DMD: variants seen among roughly 807,000 people sequenced by gnomAD.
DMD encodes mutant dystrophin.
Under a neutral mutation model 330.1 loss-of-function variants are expected in DMD, and 63 were observed. That is an observed-to-expected ratio of 0.19 (90% CI 0.16 to 0.24). DMD has a LOEUF of 0.24. Among genes scored for constraint, DMD ranks in the 10% least tolerant of loss-of-function variants. DMD has a pLI of 1.00. For synonymous variants in DMD, 1,223 were observed against 959.8 expected, an observed-to-expected ratio of 1.27 and a Z score of -5.07; for missense variants, 3,344 against 2,684.1, an observed-to-expected ratio of 1.25 and a Z score of -5.43.
At chrX:32,526,870 G>C (rs1376493983) in intron 17 of DMD, among the ~76,000 whole-genome samples, 1 of 111,897 alleles carries the variant, frequency 8.9e-6, no homozygotes, top group Non-Finnish European at 1.9e-5. Flanking sequence ...TTTCTTTACA[G>C]TGACTGCCAC....
intron 55 of DMD, among the ~76,000 whole-genome samples, chrX:31,542,127 G>A (rs2073864096): frequency 2.7e-5 from 3 of 111,581 alleles, no homozygotes; most frequent in Non-Finnish European, 5.6e-5. Context: ...AGGATTTTAC[G>A]GAATGGTGGT....
chrX:33,307,926 C>G (rs929445037), intron 1 of DMD, among the ~76,000 whole-genome samples: 2 of 111,745 alleles, frequency 1.8e-5, no homozygotes, highest in African/African-American at 6.5e-5. Flanking sequence ...TCTGTACAGA[C>G]ACCAGTTTTT....
chrX:31,234,065 C>T (rs1258864834), intron 63 of DMD, among the ~76,000 whole-genome samples: 1 of 112,078 alleles, frequency 8.9e-6, no homozygotes, highest in Non-Finnish European at 1.9e-5. Flanking sequence ...TCAGCTGCAA[C>T]GGAGGCTCTG....
At chrX:32,588,308 A>G (rs1158316022) in intron 13 of DMD, among the ~76,000 whole-genome samples, 1 of 112,242 alleles carries the variant, frequency 8.9e-6, no homozygotes, top group Admixed American at 9.5e-5. Flanking sequence ...GGGAGTAGTC[A>G]TCACTAGGTA....
intron 2 of DMD, among the ~76,000 whole-genome samples, chrX:32,863,137 C>T (rs1328076731): frequency 1.8e-5 from 2 of 111,364 alleles, no homozygotes; most frequent in Non-Finnish European, 3.8e-5. Flanking sequence ...CCAATGGTTG[C>T]TTTTCTGACA....
At chrX:31,571,642 G>A (rs1352089010) in intron 55 of DMD, among the ~76,000 whole-genome samples, 8 of 110,920 alleles carry the variant, frequency 7.2e-5, no homozygotes, top group African/African-American at 2.6e-4. Flanking sequence ...CTTCATCATC[G>A]CAGAGAATTC....
chrX:32,307,989 G>GAA (rs1371395678), intron 42 of DMD, among the ~76,000 whole-genome samples: 1 of 110,093 alleles, frequency 9.1e-6, no homozygotes. Flanking sequence ...AAGTAAGAAA[G>GAA]AAAATATTAC....
chrX:31,806,069 A>G (rs2092283844), intron 50 of DMD, among the ~76,000 whole-genome samples: 1 of 112,235 alleles, frequency 8.9e-6, no homozygotes, highest in South Asian at 3.7e-4. Flanking sequence ...TCTGGCTTGT[A>G]AAACCCAAAA....
At position 31,932,073 on chromosome X, in the gene DMD, A is replaced by T; in HGVS notation, c.6762+7T>A. 8.3e-7 allele frequency: 1 copy of T among 1,210,772 alleles called. No individual in the cohort carries two copies. The highest frequency in any genetic ancestry group is 1.1e-6 in the Non-Finnish European group (1 of 894,948). On this transcript the variant is annotated splice_region_variant and intron_variant, in intron 46 of 78. Transcript: ENST00000357033. Reference sequence around the variant, plus strand: ...AGGCCCTGGGGGATTTGAGAAAATAAAATTACCTTGACTTGCTCAAGCTTT... The same window carrying T: ...AGGCCCTGGGGGATTTGAGAAAATATAATTACCTTGACTTGCTCAAGCTTT...
intron 17 of DMD, 36 bp downstream of exon 17, chrX:32,545,123 A>G: frequency 8.4e-7 from 1 of 1,185,883 alleles, no homozygotes; most frequent in Non-Finnish European, 1.1e-6. Flanking sequence ...AGTTTTCTCC[A>G]CTTCATTTGC....
At chrX:32,880,762 T>C (rs1002918369) in intron 2 of DMD, among the ~76,000 whole-genome samples, 1 of 111,569 alleles carries the variant, frequency 9.0e-6, no homozygotes, top group Non-Finnish European at 1.9e-5. Context: ...CTGACCAACA[T>C]GGAGAAACCT....
chrX:33,306,925 C>G (rs1317127451), intron 1 of DMD, among the ~76,000 whole-genome samples: 1 of 111,785 alleles, frequency 8.9e-6, no homozygotes, highest in Non-Finnish European at 1.9e-5. Context: ...TGCTCTATGC[C>G]TCAGTTTACT....
chrX:31,728,650 T>C (rs2086263352), intron 52 of DMD, among the ~76,000 whole-genome samples: 2 of 111,840 alleles, frequency 1.8e-5, no homozygotes, highest in African/African-American at 3.3e-5. Context: ...TATGAAGATA[T>C]AGACTCTCAT....
In DMD at chrX:31,121,786, G is replaced by T; in HGVS notation, c.*133C>A. On this transcript the variant is annotated 3_prime_UTR_variant, in exon 79 of 79. Transcript: ENST00000357033. ...CTCTTACTGTCTAATCCTCTTTGTT[G>T]TATGAATATTATAAAAACCATGCGG... is the stretch of plus-strand genomic sequence containing the variant. 1.1e-6 allele frequency: 1 copy of T among 911,619 alleles called. No homozygotes were observed. The highest frequency in any genetic ancestry group is 1.6e-6 in the Non-Finnish European group (1 of 623,069). The allele number at this position is 911,619 out of a possible 1,213,427, so 75.1% of individuals were successfully genotyped here.
chrX:31,895,113 T>C (rs2094313258), intron 47 of DMD, among the ~76,000 whole-genome samples: 1 of 111,529 alleles, frequency 9.0e-6, no homozygotes, highest in Non-Finnish European at 1.9e-5. Flanking sequence ...AAGTGATGAA[T>C]ACTCTAATAA....
chrX:31,299,801 A>T (rs2054501385), intron 62 of DMD, among the ~76,000 whole-genome samples: 2 of 97,134 alleles, frequency 2.1e-5, no homozygotes, highest in East Asian at 3.4e-4. Context: ...AAAAAAAAGG[A>T]TGGGGGGGAT....
At chrX:32,493,344 ATCG>A (rs1355831961) in intron 19 of DMD, among the ~76,000 whole-genome samples, 1 of 111,760 alleles carries the variant, frequency 8.9e-6, no homozygotes, top group African/African-American at 3.2e-5. Context: ...TGCAAATATT[ATCG>A]TCAACTATTT....
intron 60 of DMD, among the ~76,000 whole-genome samples, chrX:31,371,575 G>T (rs764874829): frequency 1.8e-5 from 2 of 111,274 alleles, no homozygotes; most frequent in East Asian, 5.7e-4. Flanking sequence ...TTTCTGGGTG[G>T]TTAGTTCAAA....
intron 51 of DMD, among the ~76,000 whole-genome samples, chrX:31,737,356 C>T (rs2086949918): frequency 8.9e-6 from 1 of 112,831 alleles, no homozygotes; most frequent in Admixed American, 9.3e-5. Flanking sequence ...CTATTTCATT[C>T]AAGGACAGAT....
Sources: allele counts gnomAD v4.1 joint callset (sites outside exome capture counted in the v4.1 genomes callset), GRCh38; gene constraint gnomAD v4.1.1; transcripts MANE v1.5; gene names NCBI Gene and HGNC (gene_info 2026-07-23, HGNC 2026-07-21).